SPIRE1: variants seen among roughly 807,000 people sequenced by gnomAD.
SPIRE1 encodes the protein spire type actin nucleation factor 1.
Under a neutral mutation model 94.1 loss-of-function variants are expected in SPIRE1, and 40 were observed. That is an observed-to-expected ratio of 0.43 (90% CI 0.33 to 0.55). SPIRE1 has a LOEUF of 0.55. Ranked by LOEUF, SPIRE1 falls within the 20% of genes least tolerant of loss-of-function variation. The pLI, the probability that SPIRE1 is intolerant of heterozygous loss-of-function variation, is 0.06. For missense variants in SPIRE1, 838 were observed against 975.2 expected (o/e 0.86, Z 1.87); for synonymous variants, 376 against 371.7 (o/e 1.01, Z -0.13).
chr18:12,578,368 T>C (rs1436174615), intron 2 of SPIRE1, among the ~76,000 whole-genome samples: 1 of 152,134 alleles, frequency 6.6e-6, no homozygotes, highest in African/African-American at 2.4e-5. Flanking sequence ...TAGCCAGTAA[T>C]ACAAAGGGAC....
intron 7 of SPIRE1, among the ~76,000 whole-genome samples, chr18:12,494,666 A>T (rs1313808845): frequency 9.0e-6 from 1 of 111,304 alleles, no homozygotes; most frequent in Non-Finnish European, 2.2e-5. Context: ...CGTCTCTACT[A>T]AAAAAAAAAA....
intron 4 of SPIRE1, among the ~76,000 whole-genome samples, chr18:12,522,836 T>C (rs1254876878): frequency 6.6e-6 from 1 of 152,188 alleles, no homozygotes; most frequent in South Asian, 2.1e-4. Flanking sequence ...TTACCACTCA[T>C]TGACAATGCA....
chr18:12,520,065 C>T (rs750528668), intron 4 of SPIRE1, among the ~76,000 whole-genome samples: 79 of 152,152 alleles, frequency 5.2e-4, no homozygotes, highest in Admixed American at 9.2e-4. Flanking sequence ...AAACTCATTA[C>T]ACCATACCCA....
chr18:12,495,958 A>G (rs1598411829), intron 7 of SPIRE1, 58 bp downstream of exon 7: 1 of 1,331,592 alleles, frequency 7.5e-7, no homozygotes, highest in Non-Finnish European at 1.1e-6. Context: ...ATGACACCCT[A>G]GAGTAGAATA....
intron 2 of SPIRE1, among the ~76,000 whole-genome samples, chr18:12,602,145 T>C (rs774490964): frequency 1.3e-5 from 2 of 152,148 alleles, no homozygotes; most frequent in Middle Eastern, 6.8e-3. Context: ...CACATACACA[T>C]AAAGGGCTGA....
chr18:12,479,688 T>C lies in SPIRE1; in HGVS notation c.1404+11A>G. 1 of 1,595,682 alleles carries C rather than the reference T, an allele frequency of 6.3e-7. No homozygotes were observed. Among genetic ancestry groups the C allele is most frequent in the Non-Finnish European group, 8.5e-7 (1 of 1,174,040 alleles). On this transcript the variant is annotated intron_variant, in intron 10 of 16. Transcript: ENST00000409402. ...ATCTTGGGAGTCAAGCTGGGTGAAC[T>C]GGGGCCTCACCTCAGACTCAGAGCT...
At chr18:12,454,602 T>C (rs1396736973) in intron 12 of SPIRE1, 119 bp from the exon 13 acceptor site, 2 of 896,192 alleles carry the variant, frequency 2.2e-6, no homozygotes. Flanking sequence ...GGTTTCCCAA[T>C]GACCACTGGG....
chr18:12,497,808 T>A (rs920121968), intron 6 of SPIRE1, among the ~76,000 whole-genome samples: 1 of 152,252 alleles, frequency 6.6e-6, no homozygotes, highest in African/African-American at 2.4e-5. Context: ...TACTACTGAA[T>A]AACATGTATC....
At chr18:12,576,095 C>T (rs778546772) in intron 2 of SPIRE1, among the ~76,000 whole-genome samples, 27 of 151,878 alleles carry the variant, frequency 1.8e-4, no homozygotes, top group Non-Finnish European at 1.8e-4. Context: ...CCCAGCTACT[C>T]GGGAGGCTGA....
chr18:12,600,783 C>T (rs575332941), intron 2 of SPIRE1, among the ~76,000 whole-genome samples: 9 of 151,834 alleles, frequency 5.9e-5, no homozygotes, highest in Non-Finnish European at 1.2e-4. Context: ...AGTGCAGTGG[C>T]GCCGTTTCAG....
intron 1 of SPIRE1, chr18:12,653,284 A>C (rs770548094): frequency 3.9e-5 from 6 of 152,252 alleles, no homozygotes; most frequent in Non-Finnish European, 8.8e-5. Flanking sequence ...ATTTACCCCA[A>C]TTCTTGGTAA....
At chr18:12,453,335 T>A (rs1189918056) in intron 13 of SPIRE1, among the ~76,000 whole-genome samples, 197 bp from the exon 14 acceptor site, 1 of 152,212 alleles carries the variant, frequency 6.6e-6, no homozygotes, top group Non-Finnish European at 1.5e-5. Flanking sequence ...ATAATTCTAT[T>A]TTAAAAGGTA....
intron 12 of SPIRE1, among the ~76,000 whole-genome samples, chr18:12,461,573 A>G (rs1287432217): frequency 1.6e-5 from 1 of 61,580 alleles, no homozygotes; most frequent in Non-Finnish European, 4.6e-5. Flanking sequence ...ATATGTATGT[A>G]CATACATATG....
intron 2 of SPIRE1, among the ~76,000 whole-genome samples, chr18:12,618,735 T>G (rs1158660291): frequency 7.2e-5 from 11 of 152,204 alleles, no homozygotes; most frequent in Non-Finnish European, 1.5e-4. Context: ...ATATTTCCAC[T>G]TGAAATATAA....
chr18:12,517,205 T>TA (rs1374355438), intron 4 of SPIRE1, among the ~76,000 whole-genome samples: 1 of 152,228 alleles, frequency 6.6e-6, no homozygotes, highest in East Asian at 1.9e-4. Context: ...CAGTAGGTAT[T>TA]AGTTATTATG....
chr18:12,449,412 T>C lies in SPIRE1; in HGVS notation c.*226A>G, dbSNP rs549227062. The C allele has an allele frequency of 3.3e-5, 18 of 547,770 alleles. No individual in the cohort carries two copies. The highest frequency in any genetic ancestry group is 5.5e-5 in the Non-Finnish European group (17 of 309,228). The allele number at this position is 547,770 out of a possible 1,614,324, so 33.9% of individuals were successfully genotyped here. A position where few individuals can be genotyped will look rare whatever the true frequency, so the allele number is the denominator to read the frequency against. ...ACACACACAAAAGTAAGTTTCAAACTGTTGTCCTCTCTCAGTGCAAACGAG... is the reference window on the plus strand; with the variant it reads ...ACACACACAAAAGTAAGTTTCAAACCGTTGTCCTCTCTCAGTGCAAACGAG... On this transcript the variant is annotated 3_prime_UTR_variant, in exon 17 of 17. Coordinates refer to ENST00000409402, the MANE Select transcript of SPIRE1 (RefSeq NM_001128626.2).
chr18:12,476,521 G>T (rs1468630034), intron 10 of SPIRE1, among the ~76,000 whole-genome samples: 3 of 125,192 alleles, frequency 2.4e-5, no homozygotes, highest in Middle Eastern at 6.7e-3. Context: ...AGCCTGGCTG[G>T]CAGAGCGAGA....
At chr18:12,477,810 A>G (rs776522050) in intron 10 of SPIRE1, among the ~76,000 whole-genome samples, 3 of 152,168 alleles carry the variant, frequency 2.0e-5, no homozygotes, top group Non-Finnish European at 4.4e-5. Context: ...TGGGCTGTGC[A>G]GGAAGAGTGA....
intron 4 of SPIRE1, among the ~76,000 whole-genome samples, chr18:12,525,905 C>T (rs2034506509): frequency 6.6e-6 from 1 of 152,100 alleles, no homozygotes; most frequent in Non-Finnish European, 1.5e-5. Flanking sequence ...ATGCCTTGCT[C>T]ATTAGGGGTG....
Sources: gnomAD v4.1 joint callset for allele counts (sites outside exome capture counted in the v4.1 genomes callset) on GRCh38, gnomAD v4.1.1 for gene constraint, MANE v1.5 for transcripts, NCBI Gene and HGNC (gene_info 2026-07-23, HGNC 2026-07-21) for gene names.